The following CUBN variants were observed in gnomAD, a reference collection of about 807,000 sequenced individuals.
CUBN encodes 460 kDa receptor.
In CUBN, 282 loss-of-function variants were observed where a neutral mutation model predicts 405.3. The observed-to-expected ratio is 0.70, with a 90% CI of 0.63 to 0.77. The LOEUF is 0.77. Ranked by LOEUF, CUBN falls within the 30% of genes least tolerant of loss-of-function variation. CUBN has a pLI of 0.00. For synonymous variants in CUBN, 1,684 were observed against 1,617.0 expected, an observed-to-expected ratio of 1.04 and a Z score of -0.99; for missense variants, 4,514 against 4,475.2, an observed-to-expected ratio of 1.01 and a Z score of -0.25.
At chr10:17,077,597 T>A (rs1835880887) in intron 17 of CUBN, among the ~76,000 whole-genome samples, 1 of 152,226 alleles carries the variant, frequency 6.6e-6, no homozygotes, top group African/African-American at 2.4e-5. Flanking sequence ...GCTTAGTCCA[T>A]CTGAGAGCTG....
intron 40 of CUBN, among the ~76,000 whole-genome samples, chr10:16,929,676 A>T (rs993201302): frequency 1.3e-5 from 2 of 152,200 alleles, no homozygotes; most frequent in Admixed American, 6.5e-5. Flanking sequence ...ATTCTTTATA[A>T]TTCAAAAGTG....
chr10:16,853,626 T>C (rs112765743), intron 59 of CUBN, among the ~76,000 whole-genome samples: 9 of 152,360 alleles, frequency 5.9e-5, no homozygotes, highest in Admixed American at 5.9e-4. Context: ...AAAGTTGAAA[T>C]GCTTCCAAAG....
At chr10:16,886,555 C>CCTCTAT (rs2131392978) in intron 56 of CUBN, among the ~76,000 whole-genome samples, 1 of 151,368 alleles carries the variant, frequency 6.6e-6, no homozygotes, top group East Asian at 2.0e-4. Context: ...TGTGTGAAAG[C>CCTCTAT]CTCCATTAAA....
chr10:16,888,832 C>G (rs544012203), intron 55 of CUBN, among the ~76,000 whole-genome samples: 1 of 152,172 alleles, frequency 6.6e-6, no homozygotes, highest in South Asian at 2.1e-4. Context: ...CTGCAAATCC[C>G]TTAATATTAA....
intron 31 of CUBN, among the ~76,000 whole-genome samples, chr10:16,971,857 T>C (rs913131212): frequency 2.0e-5 from 3 of 152,168 alleles, no homozygotes; most frequent in Non-Finnish European, 2.9e-5. Context: ...CATTGGTTAC[T>C]GCCCATTTTC....
intron 48 of CUBN, among the ~76,000 whole-genome samples, chr10:16,909,073 G>T (rs1263013941): frequency 6.6e-6 from 1 of 151,044 alleles, no homozygotes; most frequent in South Asian, 2.1e-4. Context: ...TTTTAGTAGA[G>T]ACGGGGTTTC....
At chr10:17,069,957 C>T (rs1485318508) in intron 19 of CUBN, among the ~76,000 whole-genome samples, 1 of 152,112 alleles carries the variant, frequency 6.6e-6, no homozygotes, top group Non-Finnish European at 1.5e-5. Flanking sequence ...TTTGCCTAAA[C>T]TGAAGGGCAT....
chr10:17,043,667 C>G (rs952360854), intron 26 of CUBN, among the ~76,000 whole-genome samples, 160 bp downstream of exon 26: 19 of 152,178 alleles, frequency 1.2e-4, no homozygotes, highest in Non-Finnish European at 2.1e-4. Context: ...CACACCAATG[C>G]GTTACACTTA....
intron 48 of CUBN, among the ~76,000 whole-genome samples, chr10:16,908,943 C>T (rs1275453418): frequency 4.6e-4 from 64 of 139,910 alleles, no homozygotes; most frequent in African/African-American, 1.5e-3. Context: ...ACTGCAGTGG[C>T]GCAATCTCGG....
chr10:17,052,004 T>A (rs1481804774), intron 22 of CUBN, among the ~76,000 whole-genome samples: 1 of 151,890 alleles, frequency 6.6e-6, no homozygotes, highest in East Asian at 1.9e-4. Flanking sequence ...TCAGAGTGAA[T>A]CTATTAGAAA....
At chr10:16,939,376 T>C (rs1412514849) in intron 37 of CUBN, among the ~76,000 whole-genome samples, 6 of 152,098 alleles carry the variant, frequency 3.9e-5, no homozygotes, top group African/African-American at 1.4e-4. Context: ...CAACTTCCCA[T>C]GTGAAAAGGG....
rs76145623 is a variant in CUBN, at chr10:17,050,590, G to C, written c.3140-2987C>G. 2.2e-3 allele frequency among the ~76,000 whole-genome samples: 337 copies of C among 152,320 alleles called. 1 individual carries two copies. The highest frequency in any genetic ancestry group is 3.6e-3 in the Non-Finnish European group (248 of 68,034). On this transcript the variant is annotated intron_variant, in intron 22 of 66. Transcript: ENST00000377833. ...AATACATAAGGTGAGACTTCAGAAA[G>C]CATGTCAGACAGGAGCTGCTACTAG...
At chr10:16,941,624 A>C (rs1842653101) in intron 36 of CUBN, among the ~76,000 whole-genome samples, 1 of 152,118 alleles carries the variant, frequency 6.6e-6, no homozygotes, top group Admixed American at 6.6e-5. Flanking sequence ...TGGGAGGATC[A>C]CTTGAACCCA....
At position 16,840,583 on chromosome 10, in the gene CUBN, C is replaced by A. The variant is rs181084844; in HGVS notation, c.9827-48G>T. 1.3e-5 allele frequency: 18 copies of A among 1,434,902 alleles called. No individual in the cohort carries two copies. The African/African-American group carries it at 2.1e-4, about 17-fold the overall frequency. 88.9% of individuals were successfully genotyped at this position (1,434,902 alleles called of 1,614,324 possible). On this transcript the variant is annotated intron_variant, in intron 61 of 66. Coordinates refer to ENST00000377833, the MANE Select transcript of CUBN (RefSeq NM_001081.4). Reference sequence around the variant, plus strand: ...CACAGGAGACATTTTATTCATGTCTCATCTCAGGCAATCTTTGCAATTCTG... The same window carrying A: ...CACAGGAGACATTTTATTCATGTCTAATCTCAGGCAATCTTTGCAATTCTG...
rs138083522 is a variant in CUBN at position 17,071,457 on chromosome 10, C to A, written c.2594G>T (p.Ser865Ile). 1 of 1,613,934 alleles carries A rather than the reference C, an allele frequency of 6.2e-7. No individual in the cohort carries two copies. Among genetic ancestry groups the A allele is most frequent in the Non-Finnish European group, 8.5e-7 (1 of 1,179,928 alleles). The part of the protein sequence containing the change: ...LLNFTVFEIG[S>I]SAHCETDYVE... ...ATAATCTGTTTCACAGTGGGCAGAA[C>A]TTCCAATTTCAAAGACAGTGAAGTT... is the stretch of plus-strand genomic sequence containing the variant. Residue 865 changes from serine (S) to isoleucine (I), a missense_variant, in exon 19 of 67, where the codon AGT (serine) becomes ATT (isoleucine). Ser to Ile is a moderately radical substitution (Grantham distance 142). This residue lies in a region of CUBN where 1,448 missense variants were observed against 1,388.0 expected (regional missense o/e 1.04). Coordinates refer to ENST00000377833, the MANE Select transcript of CUBN (RefSeq NM_001081.4).
rs10677408 is a variant in CUBN at position 17,010,659 on chromosome 10, T to TAAATAA, written c.4168+9173_4168+9174insTTATTT. Among the ~76,000 whole-genome samples the TAAATAA allele has an allele frequency of 4.9e-3, 745 of 151,760 alleles. 2 individuals carry two copies. Among genetic ancestry groups the TAAATAA allele is most frequent in the African/African-American group, 0.014 (564 of 41,376 alleles). ...ATCTTGATAAATAAATAAATAAATATATAAATATCTACTCACTTGATGAAG... is the reference window on the plus strand; with the variant it reads ...ATCTTGATAAATAAATAAATAAATATAAATAAATAAATATCTACTCACTTGATGAAG... On this transcript the variant is annotated intron_variant, in intron 28 of 66. Transcript: ENST00000377833.
Position 16,830,955 on chromosome 10 carries a change from C to T in CUBN, c.10528+297G>A, listed in dbSNP as rs867929335. ...TACAAAAATCGGCTGGGCATGGTGG[C>T]GCATGCCTGTAATCTCAGCTACTTG... On this transcript the variant is annotated intron_variant, in intron 65 of 66. Transcript: ENST00000377833. Among the ~76,000 whole-genome samples, 21 of 152,082 alleles carry T rather than the reference C, an allele frequency of 1.4e-4. 1 individual carries two copies. In the South Asian group the frequency reaches 2.3e-3, roughly 17 times the overall value.
intron 59 of CUBN, among the ~76,000 whole-genome samples, chr10:16,856,000 G>T (rs147837720): frequency 6.6e-6 from 1 of 152,190 alleles, no homozygotes; most frequent in African/African-American, 2.4e-5. Flanking sequence ...AACAAAAGAA[G>T]GGTTCTTTCC....
chr10:16,937,639 C>T lies in CUBN; in HGVS notation c.5879G>A (p.Trp1960Ter), dbSNP rs915452419. The part of the protein sequence containing the change: ...SISGKGFLLE[W>*]FAVDAPDGVL... ...ACCATCAGGTGCATCCACTGCAAAC[C>T]ACTCCAGAAGGAATCCCTTCCCTGA... Residue 1960 changes from tryptophan to a stop codon, truncating the protein, a stop_gained, in exon 39 of 67, where the codon TGG (tryptophan) becomes TAG (stop). Coordinates refer to ENST00000377833, the MANE Select transcript of CUBN (RefSeq NM_001081.4). LOFTEE classifies it high-confidence loss of function. 1.2e-5 allele frequency: 19 copies of T among 1,613,890 alleles called. No homozygotes were observed. The highest frequency in any genetic ancestry group is 1.4e-5 in the Non-Finnish European group (17 of 1,179,984).
Sources: gnomAD v4.1 joint callset for allele counts (sites outside exome capture counted in the v4.1 genomes callset) on GRCh38, gnomAD v4.1.1 for gene constraint, gnomAD v4.1.1 regional missense constraint, MANE v1.5 for transcripts, NCBI Gene and HGNC (gene_info 2026-07-23, HGNC 2026-07-21) for gene names.